CACNB2: variants seen among roughly 807,000 people sequenced by gnomAD.
The protein encoded by CACNB2 is voltage-dependent L-type calcium channel subunit beta-2.
In CACNB2, 42 loss-of-function variants were observed where a neutral mutation model predicts 73.3. The ratio of observed to expected loss-of-function variants is 0.57; its 90% CI spans 0.45 to 0.74. The LOEUF (loss-of-function observed/expected upper bound fraction) is 0.74, where lower values mean the gene tolerates loss of function less well. Among genes scored for constraint, CACNB2 ranks in the 30% least tolerant of loss-of-function variants. The pLI, the probability that CACNB2 is intolerant of heterozygous loss-of-function variation, is 0.00. For missense variants in CACNB2, 940 were observed against 853.0 expected (o/e 1.10, Z -1.27); for synonymous variants, 348 against 310.3 (o/e 1.12, Z -1.28).
intron 3 of CACNB2, among the ~76,000 whole-genome samples, chr10:18,436,269 C>G (rs1936878232): frequency 1.3e-5 from 2 of 152,190 alleles, no homozygotes; most frequent in Non-Finnish European, 2.9e-5. Flanking sequence ...ACTTCTGTTT[C>G]ATTTCAACTT....
chr10:18,282,001 A>G (rs1268400210), intron 2 of CACNB2, among the ~76,000 whole-genome samples: 2 of 140,198 alleles, frequency 1.4e-5, no homozygotes, highest in East Asian at 2.3e-4. Context: ...AAAAAAAAAA[A>G]AGGGGGAAAT....
intron 3 of CACNB2, among the ~76,000 whole-genome samples, chr10:18,420,450 G>A (rs1020081587): frequency 6.6e-6 from 1 of 152,108 alleles, no homozygotes; most frequent in Admixed American, 6.6e-5. Flanking sequence ...GACCCAGGAA[G>A]GCTGATGGTA....
intron 2 of CACNB2, among the ~76,000 whole-genome samples, chr10:18,373,261 T>C (rs74117967): frequency 0.01 from 1,587 of 152,296 alleles, 31 homozygotes; most frequent in African/African-American, 0.035. Context: ...AGCAGGGATT[T>C]ATTAAACCTT....
At position 18,527,680 on chromosome 10, in the gene CACNB2, A is replaced by T; in HGVS notation, c.1037A>T (p.Asn346Ile). The T allele has an allele frequency of 6.2e-7, 1 of 1,611,804 alleles. No individual in the cohort carries two copies. Among genetic ancestry groups the T allele is most frequent in the Non-Finnish European group, 8.5e-7 (1 of 1,178,088 alleles). The change falls in exon 10 of 14, where the codon AAC (asparagine) becomes ATC (isoleucine). Residue 346 changes from asparagine (N) to isoleucine (I), a missense_variant. By Grantham distance (149) the Asn-to-Ile change is moderately radical. Transcript: ENST00000324631. ...PSKHAIIERS[N>I]TRSSLAEVQS... ...AAGCACGCAATAATAGAAAGATCCA[A>T]CACAAGGTCAAGCTTAGGTAAGTCT... is the stretch of plus-strand genomic sequence containing the variant.
At chr10:18,211,864 C>A (rs1375438709) in intron 2 of CACNB2, among the ~76,000 whole-genome samples, 1 of 150,474 alleles carries the variant, frequency 6.6e-6, no homozygotes, top group East Asian at 2.0e-4. Context: ...TACGTGGTTT[C>A]TTTTTTTTTT....
intron 2 of CACNB2, among the ~76,000 whole-genome samples, chr10:18,280,101 T>A (rs909438035): frequency 2.6e-5 from 4 of 152,080 alleles, no homozygotes; most frequent in African/African-American, 9.7e-5. Context: ...AAATACAAAT[T>A]ATCCACCCAA....
At chr10:18,203,319 A>G (rs2034961333) in intron 2 of CACNB2, among the ~76,000 whole-genome samples, 1 of 152,134 alleles carries the variant, frequency 6.6e-6, no homozygotes, top group Non-Finnish European at 1.5e-5. Flanking sequence ...GCAGGTTAGC[A>G]TGGATGCTGT....
At chr10:18,471,735 CTGTTGAAAATATT>C (rs2048199130) in intron 3 of CACNB2, among the ~76,000 whole-genome samples, 1 of 152,246 alleles carries the variant, frequency 6.6e-6, no homozygotes, top group Admixed American at 6.5e-5. Context: ...CTTAATATAC[CTGTTGAAAATATT>C]TGACTTTCTG....
At chr10:18,272,102 A>T (rs1462239857) in intron 2 of CACNB2, among the ~76,000 whole-genome samples, 1 of 151,190 alleles carries the variant, frequency 6.6e-6, no homozygotes, top group Non-Finnish European at 1.5e-5. Flanking sequence ...TGTCCCATTG[A>T]CTTCTCTATG....
At chr10:18,239,137 C>T (rs12260334) in intron 2 of CACNB2, among the ~76,000 whole-genome samples, 1,935 of 152,228 alleles carry the variant, frequency 0.013, 38 homozygotes, top group African/African-American at 0.045. Flanking sequence ...GAACAAAAGA[C>T]TCCTTGACTA....
chr10:18,257,869 G>A (rs897396497), intron 2 of CACNB2, among the ~76,000 whole-genome samples: 12 of 152,052 alleles, frequency 7.9e-5, no homozygotes, highest in African/African-American at 2.7e-4. Flanking sequence ...TCAGCCTCCC[G>A]AGTAGCTGGG....
At chr10:18,510,437 G>A (rs1165771550) in intron 6 of CACNB2, among the ~76,000 whole-genome samples, 1 of 152,048 alleles carries the variant, frequency 6.6e-6, no homozygotes, top group African/African-American at 2.4e-5. Flanking sequence ...CAAGTAGCTG[G>A]GATTACAGGC....
chr10:18,419,063 C>T (rs931981833), intron 3 of CACNB2, among the ~76,000 whole-genome samples: 3 of 152,214 alleles, frequency 2.0e-5, no homozygotes, highest in African/African-American at 7.2e-5. Flanking sequence ...AACTCAGTGA[C>T]ACTCATCCCC....
chr10:18,492,620 C>CAAAAAA (rs371407084), intron 3 of CACNB2, among the ~76,000 whole-genome samples: 1 of 90,456 alleles, frequency 1.1e-5, no homozygotes, highest in African/African-American at 4.5e-5. Context: ...GACTCTGTCT[C>CAAAAAA]AAAAAAAAAA....
chr10:18,402,247 T>G (rs983230940), intron 3 of CACNB2, among the ~76,000 whole-genome samples: 3 of 152,200 alleles, frequency 2.0e-5, no homozygotes, highest in Non-Finnish European at 4.4e-5. Context: ...TCTATGTTGT[T>G]TTATAATCCA....
At chr10:18,253,052 G>T (rs2131560509) in intron 2 of CACNB2, among the ~76,000 whole-genome samples, 1 of 152,302 alleles carries the variant, frequency 6.6e-6, no homozygotes, top group Non-Finnish European at 1.5e-5. Context: ...TTCTAACTCT[G>T]CCATTGCCTT....
At chr10:18,492,358 C>T (rs2049488628) in intron 3 of CACNB2, among the ~76,000 whole-genome samples, 1 of 152,156 alleles carries the variant, frequency 6.6e-6, no homozygotes, top group Non-Finnish European at 1.5e-5. Flanking sequence ...TGGTGGCTCA[C>T]ACCTGTAATC....
At chr10:18,362,335 C>A (rs1038989348) in intron 2 of CACNB2, among the ~76,000 whole-genome samples, 4 of 152,128 alleles carry the variant, frequency 2.6e-5, no homozygotes, top group Admixed American at 2.6e-4. Flanking sequence ...TAAGGGTTTT[C>A]TAAAGATCCT....
chr10:18,503,058 T>G (rs2050294799), intron 5 of CACNB2, among the ~76,000 whole-genome samples: 1 of 152,182 alleles, frequency 6.6e-6, no homozygotes, highest in Non-Finnish European at 1.5e-5. Flanking sequence ...AGCAGTAAAT[T>G]ATTCATTAGA....
Sources: allele counts gnomAD v4.1 joint callset (sites outside exome capture counted in the v4.1 genomes callset), GRCh38; gene constraint gnomAD v4.1.1; transcripts MANE v1.5; gene names NCBI Gene and HGNC (gene_info 2026-07-23, HGNC 2026-07-21).